Variants in TBC1D14 observed in about 807,000 individuals in gnomAD.
The protein encoded by TBC1D14 is TBC1 domain family, member 14.
Under a neutral mutation model 79.0 loss-of-function variants are expected in TBC1D14, and 26 were observed. That is an observed-to-expected ratio of 0.33 (90% CI 0.24 to 0.46). The LOEUF is 0.46. Ranked by LOEUF, TBC1D14 falls within the 20% of genes least tolerant of loss-of-function variation. The pLI, the probability that TBC1D14 is intolerant of heterozygous loss-of-function variation, is 1.00. For missense variants in TBC1D14, 769 were observed against 887.6 expected, an observed-to-expected ratio of 0.87 and a Z score of 1.70; for synonymous variants, 394 against 349.9, an observed-to-expected ratio of 1.13 and a Z score of -1.40.
At chr4:6,984,968 A>G (rs1431424396) in intron 3 of TBC1D14, among the ~76,000 whole-genome samples, 1 of 152,206 alleles carries the variant, frequency 6.6e-6, no homozygotes, top group Non-Finnish European at 1.5e-5. Flanking sequence ...GCCGCTTCCC[A>G]GAAAGACCGA....
chr4:7,018,291 CG>C (rs1721476799), intron 12 of TBC1D14, among the ~76,000 whole-genome samples: 2 of 152,194 alleles, frequency 1.3e-5, no homozygotes, highest in Non-Finnish European at 2.9e-5. Context: ...CTCCTGCTCG[CG>C]GCAGGGGCTG....
intron 1 of TBC1D14, among the ~76,000 whole-genome samples, chr4:6,914,672 G>A (rs142406162): frequency 2.0e-3 from 298 of 152,268 alleles, no homozygotes; most frequent in Non-Finnish European, 3.2e-3. Flanking sequence ...CTTGGGGAGC[G>A]GAGGCAGCTA....
chr4:6,986,992 T>G (rs1490181406), intron 3 of TBC1D14, among the ~76,000 whole-genome samples: 1 of 152,244 alleles, frequency 6.6e-6, no homozygotes, highest in African/African-American at 2.4e-5. Context: ...TCTCGGGTGA[T>G]CTTTAAGGCA....
chr4:7,003,700 A>C lies in TBC1D14; in HGVS notation c.1271-1144A>C, dbSNP rs138029944. ...TGAGACATCTGGGAGCTGATCAGGAACATCAGAGCCAGAGGAGTGGCGGGT... is the reference window on the plus strand; with the variant it reads ...TGAGACATCTGGGAGCTGATCAGGACCATCAGAGCCAGAGGAGTGGCGGGT... On this transcript the variant is annotated intron_variant, in intron 7 of 13. Transcript: ENST00000409757. Among the ~76,000 whole-genome samples the C allele has an allele frequency of 4.3e-3, 649 of 152,312 alleles. 16 individuals are homozygous for C. The highest frequency in any genetic ancestry group is 0.033 in the Admixed American group (511 of 15,298).
intron 1 of TBC1D14, chr4:6,910,645 C>A (rs554854277): frequency 3.8e-4 from 58 of 152,364 alleles, no homozygotes; most frequent in Middle Eastern, 3.4e-3. Context: ...AGGAGTCTCT[C>A]TAGGCTGTGG....
intron 2 of TBC1D14, among the ~76,000 whole-genome samples, chr4:6,953,029 T>TC (rs1404705560): frequency 2.1e-5 from 3 of 143,090 alleles, no homozygotes; most frequent in Non-Finnish European, 3.1e-5. Flanking sequence ...CTTTCTTTTT[T>TC]TTTTTTTTTT....
At chr4:7,010,073 C>G in intron 10 of TBC1D14, 125 bp downstream of exon 10, 1 of 1,081,598 alleles carries the variant, frequency 9.2e-7, no homozygotes, top group Admixed American at 1.8e-5. Context: ...TATGAAAAGT[C>G]TCGTGGTAAG....
At chr4:6,976,334 C>T (rs563442554) in intron 3 of TBC1D14, among the ~76,000 whole-genome samples, 1 of 151,998 alleles carries the variant, frequency 6.6e-6, no homozygotes, top group Non-Finnish European at 1.5e-5. Flanking sequence ...CAGTGGCCGC[C>T]AAACAAAATA....
At chr4:6,944,070 C>T (rs570076987) in intron 2 of TBC1D14, among the ~76,000 whole-genome samples, 7 of 152,164 alleles carry the variant, frequency 4.6e-5, no homozygotes, top group African/African-American at 1.7e-4. Flanking sequence ...ATCTTTTTAG[C>T]TTAGATACGT....
At chr4:6,914,203 G>A (rs537243055) in intron 1 of TBC1D14, among the ~76,000 whole-genome samples, 110 of 151,884 alleles carry the variant, frequency 7.2e-4, no homozygotes, top group African/African-American at 2.4e-3. Flanking sequence ...TTAAGTGTCC[G>A]CTTCTTCGGG....
intron 1 of TBC1D14, among the ~76,000 whole-genome samples, chr4:6,913,788 C>T (rs1021580102): frequency 2.0e-5 from 3 of 152,060 alleles, no homozygotes; most frequent in African/African-American, 7.2e-5. Flanking sequence ...AGTAATTTAC[C>T]AAATCACTAA....
chr4:6,912,619 A>T (rs989462693), intron 1 of TBC1D14, among the ~76,000 whole-genome samples: 3 of 152,254 alleles, frequency 2.0e-5, no homozygotes, highest in East Asian at 1.9e-4. Flanking sequence ...GTAGACACAG[A>T]CTGGCTGTGT....
At chr4:6,994,681 CTACTAAAAATACAAAA>C (rs1391305942) in intron 4 of TBC1D14, among the ~76,000 whole-genome samples, 5 of 151,958 alleles carry the variant, frequency 3.3e-5, no homozygotes, top group African/African-American at 4.8e-5. Flanking sequence ...AACCCTGTCT[CTACTAAAAATACAAAA>C]TACTAAAAAT....
At chr4:6,974,481 G>A (rs1022857888) in intron 3 of TBC1D14, among the ~76,000 whole-genome samples, 1 of 152,212 alleles carries the variant, frequency 6.6e-6, no homozygotes, top group African/African-American at 2.4e-5. Context: ...TCGTCATGTT[G>A]TGGGTACCCA....
chr4:7,026,976 G>C (rs570108703), intron 13 of TBC1D14, among the ~76,000 whole-genome samples: 1 of 152,304 alleles, frequency 6.6e-6, no homozygotes, highest in East Asian at 1.9e-4. Flanking sequence ...ACTTTGAGAG[G>C]CTGAGGCAGG....
chr4:6,925,743 C>T (rs1001918063), intron 2 of TBC1D14, among the ~76,000 whole-genome samples: 15 of 152,118 alleles, frequency 9.9e-5, no homozygotes, highest in Admixed American at 7.2e-4. Flanking sequence ...ACTATCCCTT[C>T]TGAGGCTGTA....
At chr4:6,918,904 T>G (rs1003903323) in intron 1 of TBC1D14, among the ~76,000 whole-genome samples, 5 of 152,160 alleles carry the variant, frequency 3.3e-5, no homozygotes, top group Non-Finnish European at 7.3e-5. Context: ...ATATCTTACT[T>G]TTGTGAATTC....
At chr4:7,026,091 C>G (rs912505720) in intron 13 of TBC1D14, among the ~76,000 whole-genome samples, 3 of 152,080 alleles carry the variant, frequency 2.0e-5, no homozygotes, top group South Asian at 2.1e-4. Flanking sequence ...AGTGCAGCCC[C>G]CGCCTCCCAG....
rs542083063 is a variant in TBC1D14 at position 6,911,107 on chromosome 4, G to T, written c.-18+1156G>T. 1.3e-3 allele frequency among the ~76,000 whole-genome samples: 197 copies of T among 152,276 alleles called. No individual in the cohort carries two copies. The Middle Eastern group carries it at 0.027, about 21-fold the overall frequency. On this transcript the variant is annotated intron_variant, in intron 1 of 13. Coordinates refer to ENST00000409757, the MANE Select transcript of TBC1D14 (RefSeq NM_020773.3). Reference sequence around the variant, plus strand: ...CAGCAGTCTTAGAACACTTCCTGTTGCCCAGTTTATCTGGCCAGTACCAAC... The same window carrying T: ...CAGCAGTCTTAGAACACTTCCTGTTTCCCAGTTTATCTGGCCAGTACCAAC...
Sources: gnomAD v4.1 joint callset for allele counts (sites outside exome capture counted in the v4.1 genomes callset) on GRCh38, gnomAD v4.1.1 for gene constraint, MANE v1.5 for transcripts, NCBI Gene and HGNC (gene_info 2026-07-23, HGNC 2026-07-21) for gene names.